Variants in FBXO3 observed in about 807,000 individuals in gnomAD.
FBXO3 encodes F-box protein 3, also known as F-box only protein 3.
A neutral mutation model predicts 64.8 loss-of-function variants in FBXO3; 17 were observed. That is an observed-to-expected ratio of 0.26 (90% CI 0.18 to 0.39). The LOEUF is 0.39. FBXO3 is among the 10% of genes least tolerant of loss of function. FBXO3 has a pLI of 1.00. For synonymous variants in FBXO3, 182 were observed against 201.6 expected (o/e 0.90, Z 0.82); for missense variants, 420 against 589.9 (o/e 0.71, Z 2.98).
chr11:33,760,400 T>C (rs1855213475), intron 3 of FBXO3, among the ~76,000 whole-genome samples: 1 of 152,040 alleles, frequency 6.6e-6, no homozygotes, highest in African/African-American at 2.4e-5. Flanking sequence ...CCCAGCACTT[T>C]GGGAGGCTGA....
At chr11:33,757,679 A>AAAAAAAAAAG (rs1855140679) in intron 4 of FBXO3, among the ~76,000 whole-genome samples, 1 of 143,366 alleles carries the variant, frequency 7.0e-6, no homozygotes, top group Non-Finnish European at 1.5e-5. Flanking sequence ...AAAAAAAAAA[A>AAAAAAAAAAG]AAGTCTGGGT....
intron 10 of FBXO3, chr11:33,746,458 C>T (rs1854814890): frequency 2.1e-6 from 1 of 478,498 alleles, no homozygotes; most frequent in African/African-American, 1.9e-5. Flanking sequence ...TCCATCTTTC[C>T]AAACTTAAAC....
intron 8 of FBXO3, among the ~76,000 whole-genome samples, chr11:33,749,360 CTT>C (rs35452082): frequency 2.4e-4 from 33 of 136,978 alleles, no homozygotes; most frequent in Non-Finnish European, 2.3e-4. Flanking sequence ...TGGGATTACA[CTT>C]TTTTTTTTTT....
At chr11:33,749,189 G>A (rs926621948) in intron 8 of FBXO3, among the ~76,000 whole-genome samples, 3 of 152,164 alleles carry the variant, frequency 2.0e-5, no homozygotes, top group Non-Finnish European at 4.4e-5. Context: ...ATCTTTCGCT[G>A]TTCAAATAAA....
intron 4 of FBXO3, among the ~76,000 whole-genome samples, chr11:33,756,376 A>C (rs1245427030): frequency 1.3e-5 from 2 of 152,246 alleles, no homozygotes; most frequent in Non-Finnish European, 2.9e-5. Context: ...ACCCTATGCA[A>C]CCAGACAGTA....
intron 3 of FBXO3, among the ~76,000 whole-genome samples, chr11:33,767,283 A>G (rs1475681615): frequency 6.6e-6 from 1 of 152,022 alleles, no homozygotes; most frequent in East Asian, 1.9e-4. Context: ...ATGGTTAAAC[A>G]ACTTAGTTTT....
chr11:33,765,871 T>A (rs1031335438), intron 3 of FBXO3, among the ~76,000 whole-genome samples: 2 of 152,186 alleles, frequency 1.3e-5, no homozygotes, highest in African/African-American at 4.8e-5. Flanking sequence ...GCTTTCCCCA[T>A]GAGTAAAAGC....
Position 33,768,847 on chromosome 11 carries a change from G to A in FBXO3, c.358+4C>T. The A allele has an allele frequency of 1.2e-6, 2 of 1,613,904 alleles. No homozygotes were observed. The highest frequency in any genetic ancestry group is 1.7e-6 in the Non-Finnish European group (2 of 1,179,854). ...CGGGGAAAGGGACCCTGAATTCCCA[G>A]TACCTTTCAGAGATAAAACCATCCG... On this transcript the variant is annotated splice_donor_region_variant and intron_variant, in intron 3 of 10. Transcript: ENST00000265651.
At chr11:33,759,876 C>T (rs1855199618) in intron 3 of FBXO3, among the ~76,000 whole-genome samples, 1 of 152,128 alleles carries the variant, frequency 6.6e-6, no homozygotes, top group Non-Finnish European at 1.5e-5. Flanking sequence ...AAATGGAAAT[C>T]TTAGAGCTGA....
chr11:33,768,682 T>A (rs1855433743), intron 3 of FBXO3, 169 bp downstream of exon 3: 1 of 681,242 alleles, frequency 1.5e-6, no homozygotes, highest in East Asian at 2.5e-5. Context: ...AAAAACAGGG[T>A]AAGCACTAGA....
intron 9 of FBXO3, among the ~76,000 whole-genome samples, chr11:33,748,154 C>A (rs951099640): frequency 2.0e-5 from 3 of 152,038 alleles, no homozygotes; most frequent in Non-Finnish European, 2.9e-5. Context: ...TTTAATAAAG[C>A]CTCTCTCTTA....
intron 2 of FBXO3, among the ~76,000 whole-genome samples, chr11:33,770,529 C>A (rs935961730): frequency 6.6e-6 from 1 of 152,166 alleles, no homozygotes; most frequent in South Asian, 2.1e-4. Flanking sequence ...TCACTATAAA[C>A]GGCAACAATG....
chr11:33,750,679 TA>T lies in FBXO3; in HGVS notation c.810-19del. ...GAACATATCTAGGTAATTTAAAAAT[TA>T]AACATTTTAAAATCAACTACAGGAT... On this transcript the variant is annotated intron_variant, in intron 7 of 10. Transcript: ENST00000265651. The T allele has an allele frequency of 3.8e-6, 6 of 1,599,008 alleles. No individual in the cohort carries two copies. The highest frequency in any genetic ancestry group is 5.1e-6 in the Non-Finnish European group (6 of 1,169,044).
At position 33,754,467 on chromosome 11, in the gene FBXO3, T is replaced by C; in HGVS notation, c.712A>G (p.Met238Val). The change falls in exon 6 of 11, where the codon ATG becomes GTG. Residue 238 changes from methionine (M) to valine (V), a missense_variant. Physicochemically the swap from Met to Val is conservative, Grantham distance 21 (BLOSUM62 1). Transcript: ENST00000265651. ...QMARNPAAIDMFIIGATFTDW... is the reference protein window; with the variant it reads ...QMARNPAAIDVFIIGATFTDW... The stretch of plus-strand genomic sequence containing the variant: ...TTTTCTTTCCTACCTATAATAAACA[T>C]GTCAATAGCAGCTGGATTTCGAGCC... 2 of 1,585,766 alleles carry C rather than the reference T, an allele frequency of 1.3e-6. No individual in the cohort carries two copies. Among genetic ancestry groups the C allele is most frequent in the Non-Finnish European group, 1.7e-6 (2 of 1,167,470 alleles).
Position 33,768,965 on chromosome 11 carries a change from T to C in FBXO3, c.244A>G (p.Thr82Ala). Residue 82 changes from threonine to alanine, a missense_variant, in exon 3 of 11, where the codon ACT becomes GCT. Coordinates refer to ENST00000265651, the MANE Select transcript of FBXO3 (RefSeq NM_012175.4). ...NQCWKSLFID[T>A]YSDVGRYIDH... ...ATGTATCTTCCTACATCAGAGTAAG[T>C]ATCTATGAAGAGAGATTTCCAACAC... 2 of 1,613,778 alleles carry C rather than the reference T, an allele frequency of 1.2e-6. No individual in the cohort carries two copies. The highest frequency in any genetic ancestry group is 1.7e-6 in the Non-Finnish European group (2 of 1,179,728).
chr11:33,762,728 GAA>G (rs34611010), intron 3 of FBXO3, among the ~76,000 whole-genome samples: 80 of 141,532 alleles, frequency 5.7e-4, no homozygotes, highest in Middle Eastern at 7.2e-3. Context: ...CCCAAGTCAG[GAA>G]AAAAAAAAAA....
At chr11:33,760,495 A>C (rs888978066) in intron 3 of FBXO3, among the ~76,000 whole-genome samples, 12 of 151,880 alleles carry the variant, frequency 7.9e-5, no homozygotes, top group African/African-American at 2.9e-4. Context: ...AAAACCTTAA[A>C]AATTAGCCAG....
chr11:33,771,989 G>C (rs1298873102), intron 1 of FBXO3: 1 of 152,180 alleles, frequency 6.6e-6, no homozygotes, highest in Non-Finnish European at 1.5e-5. Context: ...CTGTACCTCA[G>C]GCATCTGTAT....
intron 4 of FBXO3, among the ~76,000 whole-genome samples, chr11:33,756,535 T>C (rs1237169864): frequency 6.6e-6 from 1 of 152,218 alleles, no homozygotes; most frequent in Non-Finnish European, 1.5e-5. Flanking sequence ...GAGCCATGTA[T>C]AGATAAAAAT....
Sources: allele counts gnomAD v4.1 joint callset (sites outside exome capture counted in the v4.1 genomes callset), GRCh38; gene constraint gnomAD v4.1.1; transcripts MANE v1.5; gene names NCBI Gene and HGNC (gene_info 2026-07-23, HGNC 2026-07-21).